ZNF397: variants seen among roughly 807,000 people sequenced by gnomAD.
ZNF397 encodes zinc finger protein 397.
ZNF397 carries 38 observed loss-of-function variants against 50.6 expected under a neutral mutation model. The observed-to-expected ratio is 0.75, with a 90% CI of 0.58 to 0.98. The LOEUF is 0.98. Among genes scored for constraint, ZNF397 ranks in the 50% least tolerant of loss-of-function variants. The probability of loss-of-function intolerance (pLI) is 0.00; values close to 1 mark genes in which losing one functional copy is unlikely to be tolerated. For synonymous variants in ZNF397, 228 were observed against 215.2 expected (o/e 1.06, Z -0.52); for missense variants, 624 against 624.1 (o/e 1.00, Z 0.00).
chr18:35,254,611 T>G, downstream of ZNF397: 2 of 687,294 alleles, frequency 2.9e-6, no homozygotes, highest in South Asian at 4.0e-5. Flanking sequence ...AGAGGGATGG[T>G]GAACAAGGAA....
downstream of ZNF397, chr18:35,254,392 G>A: frequency 1.9e-6 from 3 of 1,613,942 alleles, no homozygotes; most frequent in Non-Finnish European, 2.5e-6. Flanking sequence ...CTAAAAATGT[G>A]AATAGAAAGT....
Position 35,248,337 on chromosome 18 carries a change from A to G in ZNF397, c.*2027A>G, listed in dbSNP as rs1038240197. The G allele has an allele frequency of 6.6e-6, 1 of 152,214 alleles. No individual in the cohort carries two copies. The highest frequency in any genetic ancestry group is 1.9e-4 in the East Asian group (1 of 5,194). The allele number at this position is 152,214 out of a possible 1,614,324, so 9.4% of individuals were successfully genotyped here. A position where few individuals can be genotyped will look rare whatever the true frequency, so the allele number is the denominator to read the frequency against. ...AGAACAGCAGGAGGCCTAAATGCCC[A>G]TGTTTAGGGAGAGAATATGGAAAAA... On this transcript the variant is annotated 3_prime_UTR_variant, in exon 4 of 4. Transcript: ENST00000330501.
chr18:35,254,141 C>T, downstream of ZNF397: 1 of 1,614,144 alleles, frequency 6.2e-7, no homozygotes. Flanking sequence ...TGTGGGGATT[C>T]TTCTGTTGAA....
chr18:35,250,595 T>G (rs1023546066), downstream of ZNF397, among the ~76,000 whole-genome samples: 12 of 152,292 alleles, frequency 7.9e-5, no homozygotes, highest in African/African-American at 1.4e-4. Flanking sequence ...TACATCCAGC[T>G]GAAAGGATTG....
rs2043487453 is a variant in ZNF397, at chr18:35,246,633, T to G, written c.*323T>G. ...CATGAATATAGCAACCCAGGCTCTG[T>G]CACTGCATCTGATTGTTAGTGTGCC... On this transcript the variant is annotated 3_prime_UTR_variant, in exon 4 of 4. Transcript: ENST00000330501. 1.9e-6 allele frequency: 2 copies of G among 1,065,424 alleles called. No homozygotes were observed. The highest frequency in any genetic ancestry group is 2.3e-6 in the Non-Finnish European group (2 of 880,450). 66.0% of individuals were successfully genotyped at this position (1,065,424 alleles called of 1,614,324 possible). A position where few individuals can be genotyped will look rare whatever the true frequency, so the allele number is the denominator to read the frequency against.
At chr18:35,254,395 TAG>T (rs765595698), downstream of ZNF397, 25 of 1,613,964 alleles carry the variant, frequency 1.5e-5, no homozygotes, top group South Asian at 2.4e-4. Context: ...AAAATGTGAA[TAG>T]AAAGTGTAAG....
In ZNF397 at chr18:35,247,906, G is replaced by A. The variant is rs2143612879; in HGVS notation, c.*1596G>A. Reference sequence around the variant, plus strand: ...GCTGGTCTCGAATTCTCGATCTCAGGTGATCCGCCCGCCTCGGCCCCCCAA... The same window carrying A: ...GCTGGTCTCGAATTCTCGATCTCAGATGATCCGCCCGCCTCGGCCCCCCAA... On this transcript the variant is annotated 3_prime_UTR_variant, in exon 4 of 4. Transcript: ENST00000330501. 1 of 152,236 alleles carries A rather than the reference G, an allele frequency of 6.6e-6. No homozygotes were observed. Among genetic ancestry groups the A allele is most frequent in the East Asian group, 1.9e-4 (1 of 5,170 alleles). 9.4% of individuals were successfully genotyped at this position (152,236 alleles called of 1,614,324 possible). A position where few individuals can be genotyped will look rare whatever the true frequency, so the allele number is the denominator to read the frequency against.
At chr18:35,253,581 G>A (rs904032391), downstream of ZNF397, 2 of 1,613,678 alleles carry the variant, frequency 1.2e-6, no homozygotes, top group Non-Finnish European at 1.7e-6. Context: ...GCTGAGCTCT[G>A]ATTGAAGGAT....
chr18:35,242,429 AC>A lies in ZNF397; in HGVS notation c.-40del. On this transcript the variant is annotated 5_prime_UTR_variant, in exon 2 of 4. Coordinates refer to ENST00000330501, the MANE Select transcript of ZNF397 (RefSeq NM_001135178.3). The stretch of plus-strand genomic sequence containing the variant: ...ACTCACACTCCTTCGCAAGCACAGA[AC>A]CAGTTGTACTGAGCTTTTTGCTAAG... The A allele has an allele frequency of 1.3e-6, 2 of 1,569,696 alleles. No individual in the cohort carries two copies. Among genetic ancestry groups the A allele is most frequent in the Non-Finnish European group, 1.7e-6 (2 of 1,157,540 alleles).
downstream of ZNF397, chr18:35,253,863 C>G (rs114527565): frequency 9.2e-5 from 149 of 1,614,192 alleles, no homozygotes; most frequent in African/African-American, 1.9e-3. Context: ...TCACAACATT[C>G]ATAGGGTTTT....
In ZNF397 at chr18:35,242,322, ATCTT is replaced by A. The variant is rs1263788341; in HGVS notation, c.-80-64_-80-61del. 5.8e-6 allele frequency: 4 copies of A among 689,748 alleles called. No individual in the cohort carries two copies. In the East Asian group the frequency reaches 1.0e-4, roughly 18 times the overall value. 42.7% of individuals were successfully genotyped at this position (689,748 alleles called of 1,614,324 possible). A position where few individuals can be genotyped will look rare whatever the true frequency, so the allele number is the denominator to read the frequency against. ...TTTCAATATATTACTAAAGTTACTCATCTTTCTTATTACAAGTACTTAGAGATTT... is the reference window on the plus strand; with the variant it reads ...TTTCAATATATTACTAAAGTTACTCATCTTATTACAAGTACTTAGAGATTT... On this transcript the variant is annotated intron_variant, in intron 1 of 3. Coordinates refer to ENST00000330501, the MANE Select transcript of ZNF397 (RefSeq NM_001135178.3).
exon 6 of ZNF397, chr18:35,258,126 G>A: frequency 3.1e-6 from 2 of 636,506 alleles, no homozygotes; most frequent in East Asian, 5.4e-5. Context: ...CATGACCTAG[G>A]TGAAAGCTGT....
Position 35,247,177 on chromosome 18 carries a change from G to C in ZNF397, c.*867G>C, listed in dbSNP as rs1392922215. ...TTGTCTGTCAGAGAAGTCTGGGTCT[G>C]GCCAGACTCTTAAGCAGTGCCAATG... On this transcript the variant is annotated 3_prime_UTR_variant, in exon 4 of 4. Transcript: ENST00000330501. The C allele has an allele frequency of 2.0e-6, 2 of 985,262 alleles. No individual in the cohort carries two copies. The highest frequency in any genetic ancestry group is 2.4e-6 in the Non-Finnish European group (2 of 829,894). The allele number at this position is 985,262 out of a possible 1,614,324, so 61.0% of individuals were successfully genotyped here.
chr18:35,257,796 C>T, intron 5 of ZNF397: 1 of 750,762 alleles, frequency 1.3e-6, no homozygotes, highest in Non-Finnish European at 2.5e-6. Context: ...GAAGAGACAA[C>T]TCTGCAGTGC....
chr18:35,250,100 TAA>T (rs1408476989), downstream of ZNF397, among the ~76,000 whole-genome samples: 1 of 152,206 alleles, frequency 6.6e-6, no homozygotes, highest in East Asian at 1.9e-4. Flanking sequence ...CCTAGTATAT[TAA>T]AAAGTCTACA....
chr18:35,258,026 C>T (rs928810299), exon 6 of ZNF397: 3 of 780,142 alleles, frequency 3.8e-6, no homozygotes, highest in Admixed American at 3.4e-5. Context: ...TAGTGAAGCA[C>T]CTACAAGAAA....
downstream of ZNF397, chr18:35,252,775 T>C (rs1314693817): frequency 6.6e-6 from 1 of 152,292 alleles, no homozygotes; most frequent in East Asian, 1.9e-4. Flanking sequence ...CATATCCTAT[T>C]AGCCCTTAAC....
At chr18:35,245,168 T>C in intron 3 of ZNF397, 94 bp from the exon 4 acceptor site, 1 of 1,430,532 alleles carries the variant, frequency 7.0e-7, no homozygotes, top group South Asian at 1.6e-5. Context: ...AGTGACATCT[T>C]TGTAGGTAGA....
At chr18:35,254,198 T>G, downstream of ZNF397, 2 of 1,614,182 alleles carry the variant, frequency 1.2e-6, no homozygotes, top group Non-Finnish European at 1.7e-6. Flanking sequence ...CTGACTGATT[T>G]TGTTCCCTGC....
Sources: gnomAD v4.1 joint callset for allele counts (sites outside exome capture counted in the v4.1 genomes callset) on GRCh38, gnomAD v4.1.1 for gene constraint, MANE v1.5 for transcripts, NCBI Gene and HGNC (gene_info 2026-07-23, HGNC 2026-07-21) for gene names.